RCAN2: variants seen among roughly 807,000 people sequenced by gnomAD.
RCAN2 encodes the protein regulator of calcineurin 2.
In RCAN2, 9 loss-of-function variants were observed where a neutral mutation model predicts 23.6. The observed-to-expected ratio is 0.38, with a 90% CI of 0.23 to 0.67. The LOEUF (loss-of-function observed/expected upper bound fraction) is 0.67. RCAN2 is among the 30% of genes least tolerant of loss of function. The pLI, the probability that RCAN2 is intolerant of heterozygous loss-of-function variation, is 0.51. For synonymous variants in RCAN2, 109 were observed against 115.7 expected (o/e 0.94, Z 0.37); for missense variants, 273 against 302.3 (o/e 0.90, Z 0.72).
chr6:46,434,213 C>G (rs2150418601), intron 2 of RCAN2, among the ~76,000 whole-genome samples: 1 of 152,316 alleles, frequency 6.6e-6, no homozygotes, highest in South Asian at 2.1e-4. Flanking sequence ...GATAAAAGTG[C>G]TGAGCCTAAC....
chr6:46,271,028 T>G (rs1403801828), intron 2 of RCAN2, among the ~76,000 whole-genome samples: 1 of 152,216 alleles, frequency 6.6e-6, no homozygotes, highest in Non-Finnish European at 1.5e-5. Flanking sequence ...TCATACATAC[T>G]GTGAGAGAAT....
At chr6:46,431,654 A>G (rs868134066) in intron 2 of RCAN2, among the ~76,000 whole-genome samples, 1 of 152,206 alleles carries the variant, frequency 6.6e-6, no homozygotes, top group Non-Finnish European at 1.5e-5. Flanking sequence ...TGCACACATA[A>G]AAGTCCTCAC....
At chr6:46,282,840 C>A (rs1762247822) in intron 2 of RCAN2, among the ~76,000 whole-genome samples, 1 of 152,194 alleles carries the variant, frequency 6.6e-6, no homozygotes, top group South Asian at 2.1e-4. Context: ...GAGGCAAAGG[C>A]AGGGTTCTGG....
intron 2 of RCAN2, among the ~76,000 whole-genome samples, chr6:46,432,497 G>A (rs1194782065): frequency 6.6e-6 from 1 of 151,974 alleles, no homozygotes; most frequent in Non-Finnish European, 1.5e-5. Flanking sequence ...ACAGGTGTGA[G>A]CCACCACACC....
chr6:46,429,998 G>A (rs1767143991), intron 2 of RCAN2, among the ~76,000 whole-genome samples: 1 of 152,186 alleles, frequency 6.6e-6, no homozygotes, highest in South Asian at 2.1e-4. Context: ...AAGCCTTGAG[G>A]TAGGTTGACC....
chr6:46,411,054 T>C (rs1766537486), intron 2 of RCAN2, among the ~76,000 whole-genome samples: 1 of 152,158 alleles, frequency 6.6e-6, no homozygotes, highest in East Asian at 1.9e-4. Flanking sequence ...AAATATCAAA[T>C]AGTGAGAGAA....
At chr6:46,348,135 CTTTT>C (rs1046758487) in intron 2 of RCAN2, among the ~76,000 whole-genome samples, 1 of 152,120 alleles carries the variant, frequency 6.6e-6, no homozygotes, top group Admixed American at 6.5e-5. Flanking sequence ...GTTTGTGTCT[CTTTT>C]TATGTTAAGG....
At chr6:46,258,991 C>A (rs1767019423) in intron 2 of RCAN2, among the ~76,000 whole-genome samples, 2 of 152,068 alleles carry the variant, frequency 1.3e-5, no homozygotes, top group South Asian at 2.1e-4. Context: ...CCTTGGGGAG[C>A]CTTCTTTAAG....
At chr6:46,439,849 C>A (rs1561906623) in intron 2 of RCAN2, among the ~76,000 whole-genome samples, 1 of 152,188 alleles carries the variant, frequency 6.6e-6, no homozygotes, top group Non-Finnish European at 1.5e-5. Flanking sequence ...ACATTTATGA[C>A]ACTGAAGACT....
intron 2 of RCAN2, among the ~76,000 whole-genome samples, chr6:46,454,426 A>T (rs1420618805): frequency 6.6e-6 from 1 of 152,146 alleles, no homozygotes; most frequent in Non-Finnish European, 1.5e-5. Flanking sequence ...CTTATCTGGT[A>T]TCTGATTATC....
intron 2 of RCAN2, among the ~76,000 whole-genome samples, chr6:46,412,424 A>G (rs1258843611): frequency 5.9e-5 from 9 of 152,182 alleles, no homozygotes; most frequent in Admixed American, 2.6e-4. Flanking sequence ...TGTGGGGGGC[A>G]TCATTGGCAT....
chr6:46,286,171 C>T (rs1426315249), intron 2 of RCAN2, among the ~76,000 whole-genome samples: 1 of 152,182 alleles, frequency 6.6e-6, no homozygotes, highest in Non-Finnish European at 1.5e-5. Context: ...CTATAAACTC[C>T]AGTCAGCGAG....
intron 1 of RCAN2, among the ~76,000 whole-genome samples, chr6:46,461,589 T>C (rs1768207283): frequency 6.6e-6 from 1 of 151,590 alleles, no homozygotes; most frequent in African/African-American, 2.4e-5. Flanking sequence ...TTTTTCTTTT[T>C]TTTTTTTTCT....
intron 4 of RCAN2, 92 bp downstream of exon 4, chr6:46,246,656 C>T (rs1291193224): frequency 9.7e-6 from 10 of 1,031,666 alleles, no homozygotes. Context: ...GCAGATGTTA[C>T]TGTGAACCCA....
At chr6:46,426,197 C>T (rs1767027431) in intron 2 of RCAN2, among the ~76,000 whole-genome samples, 2 of 152,162 alleles carry the variant, frequency 1.3e-5, no homozygotes, top group Admixed American at 6.5e-5. Flanking sequence ...CCATGCCCAG[C>T]TGACTGATTA....
At position 46,239,196 on chromosome 6, in the gene RCAN2, G is replaced by C. The variant is rs768534172; in HGVS notation, c.571+7552C>G. Among the ~76,000 whole-genome samples the C allele has an allele frequency of 1.4e-4, 22 of 152,210 alleles. 1 individual carries two copies. The highest frequency in any genetic ancestry group is 2.9e-5 in the Non-Finnish European group (2 of 68,038). ...AATAAAAGGAGATATTCTGGGTGCA[G>C]AGAGACTTATTGGAAACATAAAAAT... On this transcript the variant is annotated intron_variant, in intron 4 of 4. Coordinates refer to ENST00000371374, the MANE Select transcript of RCAN2 (RefSeq NM_001251974.2).
intron 2 of RCAN2, among the ~76,000 whole-genome samples, chr6:46,272,009 G>A (rs1402362710): frequency 1.3e-5 from 2 of 152,164 alleles, no homozygotes; most frequent in Non-Finnish European, 2.9e-5. Flanking sequence ...TCAGATATAA[G>A]CTTTATATCA....
chr6:46,350,903 C>T (rs1432922581), intron 2 of RCAN2, among the ~76,000 whole-genome samples: 1 of 152,112 alleles, frequency 6.6e-6, no homozygotes, highest in East Asian at 1.9e-4. Context: ...CCCACTTAAC[C>T]GTGCCCCAAA....
chr6:46,316,405 CTATCAA>C lies in RCAN2; in HGVS notation c.226-67515_226-67510del, dbSNP rs552946873. Among the ~76,000 whole-genome samples the C allele has an allele frequency of 2.0e-4, 30 of 152,294 alleles. No homozygotes were observed. In the East Asian group the frequency reaches 4.4e-3, roughly 23 times the overall value. ...GTAAGGATCCTTGCTCAAGGTCACA[CTATCAA>C]GTGGCCTAGAGGTCAAGTAGAGAGT... On this transcript the variant is annotated intron_variant, in intron 2 of 4. Transcript: ENST00000371374.
Sources: allele counts gnomAD v4.1 joint callset (sites outside exome capture counted in the v4.1 genomes callset), GRCh38; gene constraint gnomAD v4.1.1; transcripts MANE v1.5; gene names NCBI Gene and HGNC (gene_info 2026-07-23, HGNC 2026-07-21).